The following SNTG1 variants were observed in gnomAD, a reference collection of about 807,000 sequenced individuals.
The protein encoded by SNTG1 is gamma-1-syntrophin.
In SNTG1, 39 loss-of-function variants were observed where a neutral mutation model predicts 74.7. The ratio of observed to expected loss-of-function variants is 0.52; its 90% CI spans 0.40 to 0.68. The LOEUF (loss-of-function observed/expected upper bound fraction) is 0.68. Among genes scored for constraint, SNTG1 ranks in the 30% least tolerant of loss-of-function variants. SNTG1 has a pLI of 0.00. For synonymous variants in SNTG1, 254 were observed against 217.1 expected, an observed-to-expected ratio of 1.17 and a Z score of -1.49; for missense variants, 685 against 609.5, an observed-to-expected ratio of 1.12 and a Z score of -1.30.
intron 1 of SNTG1, among the ~76,000 whole-genome samples, chr8:50,114,523 G>A (rs1224701993): frequency 6.6e-6 from 1 of 152,094 alleles, no homozygotes; most frequent in Non-Finnish European, 1.5e-5. Flanking sequence ...CTGAGACTGA[G>A]GGAAAGGAAA....
intron 2 of SNTG1, among the ~76,000 whole-genome samples, chr8:50,202,662 C>T (rs1457298955): frequency 1.3e-5 from 2 of 152,028 alleles, no homozygotes; most frequent in Non-Finnish European, 2.9e-5. Flanking sequence ...AAGTTATGTG[C>T]AGTATTATCT....
At chr8:50,473,779 T>G (rs2093672595) in intron 8 of SNTG1, among the ~76,000 whole-genome samples, 1 of 152,134 alleles carries the variant, frequency 6.6e-6, no homozygotes, top group Non-Finnish European at 1.5e-5. Flanking sequence ...TGGATAAACC[T>G]TGATGACATT....
At chr8:50,243,109 A>T (rs2086237979) in intron 2 of SNTG1, among the ~76,000 whole-genome samples, 1 of 152,174 alleles carries the variant, frequency 6.6e-6, no homozygotes, top group South Asian at 2.1e-4. Flanking sequence ...AAAAACATGT[A>T]TCTATGAAAT....
At chr8:50,191,034 G>T (rs903287911) in intron 2 of SNTG1, among the ~76,000 whole-genome samples, 1 of 151,962 alleles carries the variant, frequency 6.6e-6, no homozygotes, top group African/African-American at 2.4e-5. Flanking sequence ...TTCTTTCACT[G>T]GTCTTCTTTT....
At chr8:50,284,410 T>C (rs2130473177) in intron 2 of SNTG1, among the ~76,000 whole-genome samples, 1 of 152,300 alleles carries the variant, frequency 6.6e-6, no homozygotes, top group Middle Eastern at 3.4e-3. Flanking sequence ...CCCATCATTG[T>C]TGAGGCTCAT....
At chr8:49,970,180 A>G (rs1436087952) in intron 1 of SNTG1, among the ~76,000 whole-genome samples, 1 of 152,152 alleles carries the variant, frequency 6.6e-6, no homozygotes, top group African/African-American at 2.4e-5. Flanking sequence ...GTATCTCACC[A>G]TCTGGCAAAA....
chr8:50,082,142 C>T (rs1586187811), intron 1 of SNTG1, among the ~76,000 whole-genome samples: 1 of 152,052 alleles, frequency 6.6e-6, no homozygotes, highest in Admixed American at 6.6e-5. Flanking sequence ...TTGAGTTCCT[C>T]TATGTGGTGA....
At chr8:50,079,302 A>G (rs1021784349) in intron 1 of SNTG1, among the ~76,000 whole-genome samples, 1 of 152,108 alleles carries the variant, frequency 6.6e-6, no homozygotes, top group African/African-American at 2.4e-5. Flanking sequence ...CATTTCTCTA[A>G]TGACCAGTGA....
chr8:50,141,462 G>A (rs1344342072), intron 1 of SNTG1, among the ~76,000 whole-genome samples: 1 of 152,128 alleles, frequency 6.6e-6, no homozygotes, highest in Non-Finnish European at 1.5e-5. Flanking sequence ...AACAAAAATT[G>A]TGACTACTAA....
At chr8:50,606,860 A>G (rs892239462) in intron 13 of SNTG1, among the ~76,000 whole-genome samples, 1 of 151,788 alleles carries the variant, frequency 6.6e-6, no homozygotes, top group South Asian at 2.1e-4. Flanking sequence ...ATTTCTATCA[A>G]TATGCTATGT....
At chr8:50,018,492 A>T (rs944767900) in intron 1 of SNTG1, among the ~76,000 whole-genome samples, 2 of 151,986 alleles carry the variant, frequency 1.3e-5, no homozygotes, top group Non-Finnish European at 2.9e-5. Context: ...ATCCACACAA[A>T]ATGGACTGTA....
intron 1 of SNTG1, among the ~76,000 whole-genome samples, chr8:50,014,735 T>C (rs986183705): frequency 6.6e-6 from 1 of 152,110 alleles, no homozygotes; most frequent in African/African-American, 2.4e-5. Context: ...TAAATTATAA[T>C]GTTTAAGGTG....
chr8:50,146,696 T>C (rs1162985051), intron 1 of SNTG1, among the ~76,000 whole-genome samples: 1 of 152,212 alleles, frequency 6.6e-6, no homozygotes, highest in Non-Finnish European at 1.5e-5. Context: ...CTGCCGATCC[T>C]CACCAGCCAT....
intron 3 of SNTG1, 89 bp from the exon 4 acceptor site, chr8:50,402,121 A>T (rs2092813387): frequency 1.5e-6 from 2 of 1,316,436 alleles, no homozygotes; most frequent in South Asian, 1.5e-5. Context: ...AATGTTATTC[A>T]CCATGTTTTG....
chr8:49,970,696 C>T (rs1010949297), intron 1 of SNTG1, among the ~76,000 whole-genome samples: 4 of 152,182 alleles, frequency 2.6e-5, no homozygotes, highest in Non-Finnish European at 4.4e-5. Context: ...TAGAGAAGAA[C>T]ATTCTGTCGT....
At chr8:50,248,681 G>A (rs761169629) in intron 2 of SNTG1, among the ~76,000 whole-genome samples, 2 of 151,742 alleles carry the variant, frequency 1.3e-5, no homozygotes, top group Non-Finnish European at 2.9e-5. Flanking sequence ...ACAAAAATAA[G>A]GTACAGAATA....
At chr8:50,148,026 G>T (rs567567106) in intron 1 of SNTG1, among the ~76,000 whole-genome samples, 2 of 152,136 alleles carry the variant, frequency 1.3e-5, no homozygotes, top group East Asian at 3.8e-4. Context: ...ATATCAGAAG[G>T]ACATGGGACC....
chr8:49,971,347 G>A (rs1396627848), intron 1 of SNTG1, among the ~76,000 whole-genome samples: 2 of 152,022 alleles, frequency 1.3e-5, no homozygotes, highest in Admixed American at 6.6e-5. Flanking sequence ...CAATAAATTA[G>A]GTATTGACGG....
intron 1 of SNTG1, among the ~76,000 whole-genome samples, chr8:50,013,481 AGAT>A (rs1423581510): frequency 7.3e-5 from 11 of 151,088 alleles, no homozygotes; most frequent in African/African-American, 2.7e-4. Context: ...ATAGATAGAT[AGAT>A]AGATAGATAG....
Sources: gnomAD v4.1 joint callset for allele counts (sites outside exome capture counted in the v4.1 genomes callset) on GRCh38, gnomAD v4.1.1 for gene constraint, MANE v1.5 for transcripts, NCBI Gene and HGNC (gene_info 2026-07-23, HGNC 2026-07-21) for gene names.